Variants in TBC1D14 observed in about 807,000 individuals in gnomAD.
The protein encoded by TBC1D14 is TBC1 domain family member 14.
In TBC1D14, 26 loss-of-function variants were observed where a neutral mutation model predicts 79.0. The observed-to-expected ratio is 0.33, with a 90% confidence interval of 0.24 to 0.46. TBC1D14 has a LOEUF of 0.46. Ranked by LOEUF, TBC1D14 falls within the 20% of genes least tolerant of loss-of-function variation. The pLI is 1.00. For missense variants in TBC1D14, 769 were observed against 887.6 expected (o/e 0.87, Z 1.70); for synonymous variants, 394 against 349.9 (o/e 1.13, Z -1.40).
intron 2 of TBC1D14, among the ~76,000 whole-genome samples, chr4:6,950,811 A>C (rs892373799): frequency 4.6e-5 from 7 of 152,154 alleles, no homozygotes; most frequent in Non-Finnish European, 1.0e-4. Context: ...TTTGATTTGC[A>C]TATTTTGTTT....
intron 1 of TBC1D14, among the ~76,000 whole-genome samples, chr4:6,913,543 C>G (rs946525502): frequency 6.6e-6 from 1 of 152,144 alleles, no homozygotes; most frequent in South Asian, 2.1e-4. Context: ...ACCTTGGGTG[C>G]GTGACTTAGC....
intron 2 of TBC1D14, among the ~76,000 whole-genome samples, chr4:6,959,784 G>T (rs1715011978): frequency 1.3e-5 from 2 of 152,128 alleles, no homozygotes; most frequent in Admixed American, 1.3e-4. Flanking sequence ...TTGGCCTTTT[G>T]CTTGCTGTCA....
At chr4:6,930,218 G>A (rs1212854362) in intron 2 of TBC1D14, among the ~76,000 whole-genome samples, 1 of 152,178 alleles carries the variant, frequency 6.6e-6, no homozygotes, top group African/African-American at 2.4e-5. Context: ...GTGGGAAGAC[G>A]GTTGGAGAAT....
intron 2 of TBC1D14, among the ~76,000 whole-genome samples, chr4:6,926,692 G>T (rs1221254789): frequency 2.0e-5 from 3 of 152,242 alleles, no homozygotes; most frequent in Non-Finnish European, 4.4e-5. Context: ...CCTTTGAGGG[G>T]AAAGGGTTTC....
chr4:7,014,908 A>G (rs1307138922), intron 12 of TBC1D14, among the ~76,000 whole-genome samples: 1 of 152,176 alleles, frequency 6.6e-6, no homozygotes, highest in East Asian at 1.9e-4. Context: ...CTTGTGGGAG[A>G]CACGTGTGTC....
At chr4:6,997,905 A>T (rs919403762) in intron 5 of TBC1D14, among the ~76,000 whole-genome samples, 1 of 152,158 alleles carries the variant, frequency 6.6e-6, no homozygotes, top group African/African-American at 2.4e-5. Context: ...GGGCAGTTTG[A>T]TTTGGGAAAA....
intron 2 of TBC1D14, among the ~76,000 whole-genome samples, chr4:6,942,956 A>G (rs961103026): frequency 3.9e-5 from 6 of 152,232 alleles, no homozygotes; most frequent in Admixed American, 2.0e-4. Context: ...ATACATTAAT[A>G]TCTAGTTAGG....
At chr4:7,007,429 C>G in intron 9 of TBC1D14, 3 of 665,266 alleles carry the variant, frequency 4.5e-6, no homozygotes, top group Non-Finnish European at 6.7e-6. Flanking sequence ...ATCTTTTGAT[C>G]CCTTTCTTAT....
chr4:6,987,219 G>A, intron 3 of TBC1D14: 1 of 1,240,616 alleles, frequency 8.1e-7, no homozygotes, highest in Non-Finnish European at 1.0e-6. Flanking sequence ...GCCCCGCCCC[G>A]CCCCGCGAGT....
chr4:6,991,349 G>A lies in TBC1D14; in HGVS notation c.844-2835G>A, dbSNP rs578179500. Among the ~76,000 whole-genome samples, 6 of 152,262 alleles carry A rather than the reference G, an allele frequency of 3.9e-5. No homozygotes were observed. In the East Asian group the frequency reaches 9.6e-4, roughly 24 times the overall value. ...ATTCTGTGATGAGGAGTGTGGCTGC[G>A]GAACCCCAGCGCGTGGCCTGTGACC... On this transcript the variant is annotated intron_variant, in intron 3 of 13. Transcript: ENST00000409757.
rs1722213915 is a variant in TBC1D14 at position 7,025,078 on chromosome 4, G to A, written c.1832G>A (p.Gly611Glu). 1.2e-6 allele frequency: 2 copies of A among 1,614,182 alleles called. No individual in the cohort carries two copies. The highest frequency in any genetic ancestry group is 1.3e-5 in the African/African-American group (1 of 75,046). ...CRIWDVFCRDGEEFLFRTALG... is the reference protein window; with the variant it reads ...CRIWDVFCRDEEEFLFRTALG... ...ATCTGGGACGTGTTCTGTCGCGATG[G>A]GGAAGAGTTCCTGTTCCGCACGGCC... The change falls in exon 13 of 14, where the codon GGG becomes GAG. Residue 611 changes from glycine to glutamate, a missense_variant. Gly to Glu is a moderately conservative substitution (Grantham distance 98, BLOSUM62 -2). Around this residue, in one of 2 missense-constraint regions of TBC1D14, gnomAD observed 367 missense variants for 494.4 expected, o/e 0.74. Transcript: ENST00000409757.
intron 2 of TBC1D14, among the ~76,000 whole-genome samples, chr4:6,924,869 C>T (rs1223408005): frequency 6.6e-6 from 1 of 152,132 alleles, no homozygotes; most frequent in Non-Finnish European, 1.5e-5. Flanking sequence ...GATGTTGGGT[C>T]ATGACTTAGG....
intron 1 of TBC1D14, among the ~76,000 whole-genome samples, chr4:6,923,093 T>C (rs1038727204): frequency 6.6e-6 from 1 of 152,172 alleles, no homozygotes. Context: ...CCCAGCTACC[T>C]GGGAGGCTGA....
intron 11 of TBC1D14, 76 bp downstream of exon 11, chr4:7,010,857 G>C: frequency 6.7e-7 from 1 of 1,500,564 alleles, no homozygotes; most frequent in Non-Finnish European, 9.0e-7. Flanking sequence ...CTGTGTTTTC[G>C]GTGGAAAAAA....
At position 6,994,130 on chromosome 4, in the gene TBC1D14, G is replaced by A. The variant is rs187328498; in HGVS notation, c.844-54G>A. On this transcript the variant is annotated intron_variant, in intron 3 of 13. Coordinates refer to ENST00000409757, the MANE Select transcript of TBC1D14 (RefSeq NM_020773.3). ...CAAAACAACTTTCTTACTTTCCGAA[G>A]GACTTCATCCTATCTGAAAGGACCT... 3.5e-6 allele frequency: 5 copies of A among 1,430,432 alleles called. No individual in the cohort carries two copies. The East Asian group carries it at 1.1e-4, about 33-fold the overall frequency. The allele number at this position is 1,430,432 out of a possible 1,614,324, so 88.6% of individuals were successfully genotyped here.
At chr4:6,971,661 G>A (rs1357588520) in intron 3 of TBC1D14, among the ~76,000 whole-genome samples, 1 of 152,172 alleles carries the variant, frequency 6.6e-6, no homozygotes, top group Non-Finnish European at 1.5e-5. Flanking sequence ...TCCAGTTGCG[G>A]TCCCCGGAGT....
intron 1 of TBC1D14, among the ~76,000 whole-genome samples, chr4:6,921,879 T>C (rs34959511): frequency 0.091 from 13,882 of 151,882 alleles, 807 homozygotes; most frequent in Middle Eastern, 0.16. Context: ...GTATTTTTAG[T>C]AGAGATGGGG....
chr4:6,965,281 C>G (rs901262351), intron 2 of TBC1D14, among the ~76,000 whole-genome samples: 4 of 152,180 alleles, frequency 2.6e-5, no homozygotes, highest in African/African-American at 9.7e-5. Flanking sequence ...CCTCAGCCTC[C>G]CGAGTAGCTG....
At chr4:6,999,408 C>T (rs187409424) in intron 6 of TBC1D14, among the ~76,000 whole-genome samples, 44 of 152,204 alleles carry the variant, frequency 2.9e-4, no homozygotes, top group East Asian at 1.7e-3. Flanking sequence ...TTCCAGTTCA[C>T]CTTCTTCTCA....
Sources: gnomAD v4.1 joint callset for allele counts (sites outside exome capture counted in the v4.1 genomes callset) on GRCh38, gnomAD v4.1.1 for gene constraint, gnomAD v4.1.1 regional missense constraint, MANE v1.5 for transcripts, NCBI Gene and HGNC (gene_info 2026-07-23, HGNC 2026-07-21) for gene names.